The following GTSE1 variants were observed in gnomAD, a reference collection of about 807,000 sequenced individuals.
GTSE1 encodes G2 and S phase-expressed protein 1.
Under a neutral mutation model 60.5 loss-of-function variants are expected in GTSE1, and 52 were observed. The observed-to-expected ratio is 0.86, with a 90% confidence interval of 0.69 to 1.08. The LOEUF is 1.08. Ranked by LOEUF, GTSE1 falls within the 50% of genes least tolerant of loss-of-function variation. GTSE1 has a pLI of 0.00. For synonymous variants in GTSE1, 368 were observed against 386.5 expected (o/e 0.95, Z 0.56); for missense variants, 937 against 961.8 (o/e 0.97, Z 0.34).
rs990966373 is a variant in GTSE1 at position 46,304,269 on chromosome 22, C to A, written c.80-3881C>A. Among the ~76,000 whole-genome samples, 2 of 152,130 alleles carry A rather than the reference C, an allele frequency of 1.3e-5. No homozygotes were observed. Among genetic ancestry groups the A allele is most frequent in the Admixed American group, 6.6e-5 (1 of 15,264 alleles). ...CCTCCCATAGTGCTGGGATTACAGG[C>A]ACAGGCCACCATACCTGGCCTACCT... On this transcript the variant is annotated intron_variant, in intron 2 of 11. Transcript: ENST00000454366. The surrounding 1 kb of genome is among the most constrained non-coding windows in gnomAD (Gnocchi z 4.4).
At chr22:46,300,911 C>G (rs936065612) in intron 2 of GTSE1, among the ~76,000 whole-genome samples, 1 of 152,210 alleles carries the variant, frequency 6.6e-6, no homozygotes. Flanking sequence ...CAAGGGCCAT[C>G]GATGTCATCA....
At position 46,316,852 on chromosome 22, in the gene GTSE1, T is replaced by G. The variant is rs2077784101; in HGVS notation, c.1432+440T>G. On this transcript the variant is annotated intron_variant, in intron 7 of 11. Coordinates refer to ENST00000454366, the MANE Select transcript of GTSE1 (RefSeq NM_016426.7). This position sits in a 1 kb window ranked among gnomAD's most constrained non-coding sequence, Gnocchi z 5.0. ...TTTATTTCCTAGGACTCTAATCACATCTATTTCAGGCCTCTTGACGTTGTC... is the reference window on the plus strand; with the variant it reads ...TTTATTTCCTAGGACTCTAATCACAGCTATTTCAGGCCTCTTGACGTTGTC... 6.6e-6 allele frequency among the ~76,000 whole-genome samples: 1 copy of G among 152,206 alleles called. No homozygotes were observed. Among genetic ancestry groups the G allele is most frequent in the African/African-American group, 2.4e-5 (1 of 41,464 alleles).
chr22:46,298,597 C>T (rs573546043), intron 2 of GTSE1, among the ~76,000 whole-genome samples: 3 of 152,244 alleles, frequency 2.0e-5, no homozygotes, highest in East Asian at 1.9e-4. Flanking sequence ...TGTGAACCAC[C>T]GCGCCTGGCC....
In GTSE1 at chr22:46,309,019, C is replaced by G. The variant is rs6007819; in HGVS notation, c.762+76C>G. On this transcript the variant is annotated intron_variant, in intron 4 of 11. Transcript: ENST00000454366. The surrounding 1 kb of genome is among the most constrained non-coding windows in gnomAD (Gnocchi z 6.2). ...TCAGCCCTCTCACAGAAGCCACATG[C>G]GGAAAGCCTCAGAGGTGGCGAGTCT... 0.11 allele frequency: 157,976 copies of G among 1,483,422 alleles called. 10,200 individuals are homozygous for G. The highest frequency in any genetic ancestry group is 0.29 in the African/African-American group (20,653 of 71,248). 91.9% of individuals were successfully genotyped at this position (1,483,422 alleles called of 1,614,324 possible).
rs2077737888 is a variant in GTSE1 at position 46,309,755 on chromosome 22, C to G, written c.762+812C>G. ...TGCAGCCGCCACGCCACACACTGCC[C>G]TTGACAAGGAGGTATGCCCGGCACT... On this transcript the variant is annotated intron_variant, in intron 4 of 11. Transcript: ENST00000454366. The surrounding 1 kb of genome is among the most constrained non-coding windows in gnomAD (Gnocchi z 6.2). Among the ~76,000 whole-genome samples the G allele has an allele frequency of 6.6e-6, 1 of 152,198 alleles. No individual in the cohort carries two copies. The highest frequency in any genetic ancestry group is 2.4e-5 in the African/African-American group (1 of 41,444).
Position 46,329,500 on chromosome 22 carries a change from TC to T in GTSE1, c.2070del (p.Ile690MetfsTer4), listed in dbSNP as rs780312478. On this transcript the variant is annotated frameshift_variant, in exon 11 of 12. Transcript: ENST00000454366. LOFTEE classifies it high-confidence loss of function. The surrounding 1 kb of genome is among the most constrained non-coding windows in gnomAD (Gnocchi z 6.4). ...GTAGGATCTGAAAGCAGGCCTCTGA[TC>T]GACCTCATGACAAACACTCCAGACA... ...VAVGSESRPL[I>X]DLMTNTPDMN... The T allele has an allele frequency of 6.2e-7, 1 of 1,614,166 alleles. No homozygotes were observed. The highest frequency in any genetic ancestry group is 8.5e-7 in the Non-Finnish European group (1 of 1,180,018).
At position 46,317,505 on chromosome 22, in the gene GTSE1, G is replaced by A. The variant is rs952683610; in HGVS notation, c.1432+1093G>A. 6.6e-6 allele frequency among the ~76,000 whole-genome samples: 1 copy of A among 151,936 alleles called. No homozygotes were observed. Among genetic ancestry groups the A allele is most frequent in the Non-Finnish European group, 1.5e-5 (1 of 68,016 alleles). On this transcript the variant is annotated intron_variant, in intron 7 of 11. Transcript: ENST00000454366. This position sits in a 1 kb window ranked among gnomAD's most constrained non-coding sequence, Gnocchi z 5.6. ...TCCCCATCATTTTGGGGTCTGTTTC[G>A]ACTGACTAATTTTGTTTCCGGGTTT...
Position 46,326,631 on chromosome 22 carries a change from G to T in GTSE1, c.1701G>T (p.Glu567Asp), listed in dbSNP as rs372570607. 1 of 1,612,208 alleles carries T rather than the reference G, an allele frequency of 6.2e-7. No homozygotes were observed. The highest frequency in any genetic ancestry group is 1.7e-5 in the Admixed American group (1 of 59,798). The change falls in exon 9 of 12, where the codon GAG becomes GAT. Residue 567 changes from glutamate (E) to aspartate (D), a missense_variant. Physicochemically the swap from Glu to Asp is conservative, Grantham distance 45 (BLOSUM62 2). Transcript: ENST00000454366. ...TGCCAGCTCGGAGACGTTCCTCTGA[G>T]CCCCGCAAGAACTCTGCAATGAGGT... ...LCVPARRRSSEPRKNSAMRTE... is the reference protein window; with the variant it reads ...LCVPARRRSSDPRKNSAMRTE...
rs533287091 is a variant in GTSE1 at position 46,319,490 on chromosome 22, C to T, written c.1432+3078C>T. Among the ~76,000 whole-genome samples, 5 of 152,122 alleles carry T rather than the reference C, an allele frequency of 3.3e-5. No individual in the cohort carries two copies. The highest frequency in any genetic ancestry group is 3.9e-4 in the East Asian group (2 of 5,178). The stretch of plus-strand genomic sequence containing the variant: ...GACTCGAGTGTCCCTGAGGTTCTGG[C>T]GGAACCTGGGTGCTGCCACTCATGT... On this transcript the variant is annotated intron_variant, in intron 7 of 11. Coordinates refer to ENST00000454366, the MANE Select transcript of GTSE1 (RefSeq NM_016426.7). This position sits in a 1 kb window ranked among gnomAD's most constrained non-coding sequence, Gnocchi z 5.0.
chr22:46,316,017 G>A lies in GTSE1; in HGVS notation c.1052-15G>A, dbSNP rs867232064. 2 of 1,486,380 alleles carry A rather than the reference G, an allele frequency of 1.3e-6. No homozygotes were observed. Among genetic ancestry groups the A allele is most frequent in the Middle Eastern group, 3.6e-4 (2 of 5,542 alleles). The allele number at this position is 1,486,380 out of a possible 1,614,324, so 92.1% of individuals were successfully genotyped here. A position where few individuals can be genotyped will look rare whatever the true frequency, so the allele number is the denominator to read the frequency against. On this transcript the variant is annotated splice_polypyrimidine_tract_variant and intron_variant, in intron 6 of 11. Transcript: ENST00000454366. This position sits in a 1 kb window ranked among gnomAD's most constrained non-coding sequence, Gnocchi z 5.0. ...ACTTTTATAATAATGTGATTTTTGT[G>A]TGTATACCTTCTAGCTAAATCAAGT...
At position 46,317,773 on chromosome 22, in the gene GTSE1, G is replaced by T. The variant is rs911197410; in HGVS notation, c.1432+1361G>T. On this transcript the variant is annotated intron_variant, in intron 7 of 11. Coordinates refer to ENST00000454366, the MANE Select transcript of GTSE1 (RefSeq NM_016426.7). This position sits in a 1 kb window ranked among gnomAD's most constrained non-coding sequence, Gnocchi z 5.6. The stretch of plus-strand genomic sequence containing the variant: ...TTCCCAAGGCCTCTGCTGCACACCC[G>T]TGTGTCCCGCAAGGCCCGCGAGACC... Among the ~76,000 whole-genome samples, 1 of 152,166 alleles carries T rather than the reference G, an allele frequency of 6.6e-6. No individual in the cohort carries two copies. The highest frequency in any genetic ancestry group is 1.5e-5 in the Non-Finnish European group (1 of 68,024).
chr22:46,319,495 C>A lies in GTSE1; in HGVS notation c.1432+3083C>A, dbSNP rs998704059. On this transcript the variant is annotated intron_variant, in intron 7 of 11. Transcript: ENST00000454366. This position sits in a 1 kb window ranked among gnomAD's most constrained non-coding sequence, Gnocchi z 5.0. ...GAGTGTCCCTGAGGTTCTGGCGGAA[C>A]CTGGGTGCTGCCACTCATGTGACAG... Among the ~76,000 whole-genome samples the A allele has an allele frequency of 2.0e-5, 3 of 152,028 alleles. No individual in the cohort carries two copies. Among genetic ancestry groups the A allele is most frequent in the Admixed American group, 6.6e-5 (1 of 15,262 alleles).
chr22:46,312,704 A>G (rs551718937), intron 5 of GTSE1, among the ~76,000 whole-genome samples: 9 of 151,782 alleles, frequency 5.9e-5, no homozygotes, highest in African/African-American at 2.2e-4. Context: ...CCTGCAAAAT[A>G]CATGCAAAGA....
chr22:46,318,715 G>A lies in GTSE1; in HGVS notation c.1432+2303G>A, dbSNP rs556295695. Among the ~76,000 whole-genome samples the A allele has an allele frequency of 3.3e-5, 5 of 152,136 alleles. No individual in the cohort carries two copies. The highest frequency in any genetic ancestry group is 4.8e-5 in the African/African-American group (2 of 41,444). ...AGTGCAGAGGTCCTGGGGCAGGAAG[G>A]CGTGGGACGTGCTCTGGGAGCAGCA... On this transcript the variant is annotated intron_variant, in intron 7 of 11. Transcript: ENST00000454366. The surrounding 1 kb of genome is among the most constrained non-coding windows in gnomAD (Gnocchi z 4.8).
At chr22:46,303,483 A>G (rs1055122202) in intron 2 of GTSE1, among the ~76,000 whole-genome samples, 1 of 152,120 alleles carries the variant, frequency 6.6e-6, no homozygotes, top group African/African-American at 2.4e-5. Context: ...GTCTATAATC[A>G]TGGCATCTGT....
Position 46,308,848 on chromosome 22 carries a change from A to G in GTSE1, c.667A>G (p.Ser223Gly), listed in dbSNP as rs759546180. ...PRESCTAHAA[S>G]QAATQRKPGT... ...GGAATCATGCACTGCTCATGCTGCAAGTCAGGCAGCGACTCAGAGGAAGCC... is the reference window on the plus strand; with the variant it reads ...GGAATCATGCACTGCTCATGCTGCAGGTCAGGCAGCGACTCAGAGGAAGCC... The change falls in exon 4 of 12, where the codon AGT (serine) becomes GGT (glycine). Residue 223 changes from serine (S) to glycine (G), a missense_variant. By Grantham distance (56) the Ser-to-Gly change is moderately conservative. Transcript: ENST00000454366. 1 of 1,613,264 alleles carries G rather than the reference A, an allele frequency of 6.2e-7. No homozygotes were observed. Among genetic ancestry groups the G allele is most frequent in the African/African-American group, 1.3e-5 (1 of 75,068 alleles).
chr22:46,321,668 T>G lies in GTSE1; in HGVS notation c.1433-1522T>G, dbSNP rs9627409. 0.26 allele frequency among the ~76,000 whole-genome samples: 39,009 copies of G among 152,172 alleles called. 8,472 individuals are homozygous for G. Among genetic ancestry groups the G allele is most frequent in the African/African-American group, 0.59 (24,595 of 41,502 alleles). ...GTGAAGGGAGACATCGCAAGAAGCT[T>G]CCAGCACGCTGGAAGCAGAGCTGGG... is the stretch of plus-strand genomic sequence containing the variant. On this transcript the variant is annotated intron_variant, in intron 7 of 11. Coordinates refer to ENST00000454366, the MANE Select transcript of GTSE1 (RefSeq NM_016426.7). This position sits in a 1 kb window ranked among gnomAD's most constrained non-coding sequence, Gnocchi z 4.0.
At chr22:46,312,088 CTG>C in intron 4 of GTSE1, 51 bp from the exon 5 acceptor site, 1 of 1,465,678 alleles carries the variant, frequency 6.8e-7, no homozygotes, top group Non-Finnish European at 9.4e-7. Flanking sequence ...CTGAGTATCT[CTG>C]TACATTGTTA....
Position 46,326,496 on chromosome 22 carries a change from G to A in GTSE1, c.1566G>A (p.Leu522=). ...CTGGGCCAGCACCACAAAGCCTGCTGAGCGCATGGCGTGTGTCAGCCTTGC... is the reference window on the plus strand; with the variant it reads ...CTGGGCCAGCACCACAAAGCCTGCTAAGCGCATGGCGTGTGTCAGCCTTGC... ...RSSGPAPQSL[L]SAWRVSALPT... The change falls in exon 9 of 12, where the codon CTG becomes CTA. Residue 522 remains leucine, a synonymous_variant. Transcript: ENST00000454366. The A allele has an allele frequency of 6.2e-7, 1 of 1,614,014 alleles. No individual in the cohort carries two copies. Among genetic ancestry groups the A allele is most frequent in the Non-Finnish European group, 8.5e-7 (1 of 1,179,892 alleles).
Sources: gnomAD v4.1 joint callset for allele counts (sites outside exome capture counted in the v4.1 genomes callset) on GRCh38, gnomAD v4.1.1 for gene constraint, Gnocchi (gnomAD v3.1) non-coding constraint, MANE v1.5 for transcripts, NCBI Gene and HGNC (gene_info 2026-07-23, HGNC 2026-07-21) for gene names.